Variants in AKAP9 observed in about 807,000 individuals in gnomAD.
AKAP9 encodes A-kinase anchoring protein 9.
AKAP9 carries 311 observed loss-of-function variants against 488.5 expected under a neutral mutation model. That is an observed-to-expected ratio of 0.64 (90% CI 0.58 to 0.70). The LOEUF is 0.70. AKAP9 is among the 30% of genes least tolerant of loss of function. AKAP9 has a pLI of 0.00. For missense variants in AKAP9, 4,215 were observed against 4,374.5 expected (o/e 0.96, Z 1.03); for synonymous variants, 1,462 against 1,483.5 (o/e 0.99, Z 0.33).
Position 92,002,553 on chromosome 7 carries a change from A to G in AKAP9, c.2636A>G (p.Glu879Gly), listed in dbSNP as rs777030400. 14 of 1,609,778 alleles carry G rather than the reference A, an allele frequency of 8.7e-6. No individual in the cohort carries two copies. Among genetic ancestry groups the G allele is most frequent in the Non-Finnish European group, 1.2e-5 (14 of 1,178,360 alleles). Reference protein sequence around the residue: ...ACLLKVKDDLEDSKNKQELEY... With the variant: ...ACLLKVKDDLGDSKNKQELEY... ...CTTCTCAAAGTAAAAGATGATTTAG[A>G]AGACAGTAAAAATAAACAGGAATTA... The change falls in exon 8 of 50, where the codon GAA becomes GGA. Residue 879 changes from glutamate (E) to glycine (G), a missense_variant. Coordinates refer to ENST00000356239, the MANE Select transcript of AKAP9 (RefSeq NM_005751.5).
chr7:92,055,465 A>G (rs1044530129), intron 22 of AKAP9, among the ~76,000 whole-genome samples: 2 of 152,094 alleles, frequency 1.3e-5, no homozygotes, highest in African/African-American at 4.8e-5. Context: ...AGAGAGCAAC[A>G]AAAGTGTTTT....
intron 21 of AKAP9, among the ~76,000 whole-genome samples, chr7:92,050,330 C>T (rs888392621): frequency 2.6e-4 from 39 of 151,768 alleles, no homozygotes; most frequent in African/African-American, 8.7e-4. Context: ...CTCCTGACCT[C>T]GTGATCCACC....
chr7:92,105,745 G>A lies in AKAP9; in HGVS notation c.11398G>A (p.Gly3800Ser), dbSNP rs767337890. The A allele has an allele frequency of 1.2e-6, 2 of 1,614,038 alleles. No individual in the cohort carries two copies. Among genetic ancestry groups the A allele is most frequent in the Admixed American group, 1.7e-5 (1 of 60,016 alleles). Residue 3800 changes from glycine (G) to serine (S), a missense_variant, in exon 47 of 50, where the codon GGC becomes AGC. Coordinates refer to ENST00000356239, the MANE Select transcript of AKAP9 (RefSeq NM_005751.5). The part of the protein sequence containing the change: ...GSVSININRD[G>S]FGLNQGAEKT... ...TGTTTCCATCAATATTAACAGAGAT[G>A]GCTTTGGACTGAATCAAGGTGAAGT...
intron 8 of AKAP9, among the ~76,000 whole-genome samples, chr7:92,011,548 A>C (rs530935627): frequency 6.6e-6 from 1 of 152,290 alleles, no homozygotes; most frequent in East Asian, 1.9e-4. Context: ...ACAAGTAAAT[A>C]CTCAAGAATA....
intron 26 of AKAP9, among the ~76,000 whole-genome samples, chr7:92,069,098 G>A (rs1358035411): frequency 6.6e-6 from 1 of 152,110 alleles, no homozygotes; most frequent in Non-Finnish European, 1.5e-5. Flanking sequence ...AAACCTTCAA[G>A]GTGCACAGAT....
rs1798177111 is a variant in AKAP9 at position 91,994,734 on chromosome 7, G to A, written c.690G>A (p.Glu230=). The A allele has an allele frequency of 6.2e-7, 1 of 1,612,848 alleles. No homozygotes were observed. Among genetic ancestry groups the A allele is most frequent in the African/African-American group, 1.3e-5 (1 of 74,882 alleles). The change falls in exon 6 of 50, where the codon GAG becomes GAA. Residue 230 remains glutamate (E), a synonymous_variant. Coordinates refer to ENST00000356239, the MANE Select transcript of AKAP9 (RefSeq NM_005751.5). ...EKDETMREFL[E]LTEQSQKLQI... ...ATGAGACAATGAGAGAATTTTTAGAGTTGACAGAACAGAGTCAAAAATTAC... is the reference window on the plus strand; with the variant it reads ...ATGAGACAATGAGAGAATTTTTAGAATTGACAGAACAGAGTCAAAAATTAC...
intron 24 of AKAP9, 120 bp downstream of exon 24, chr7:92,062,606 A>G: frequency 1.2e-6 from 1 of 804,314 alleles, no homozygotes; most frequent in Non-Finnish European, 2.0e-6. Context: ...AGAGAGATTT[A>G]AAAAATTATA....
chr7:92,038,173 T>A (rs1376305249), intron 16 of AKAP9, among the ~76,000 whole-genome samples: 1 of 152,226 alleles, frequency 6.6e-6, no homozygotes, highest in African/African-American at 2.4e-5. Context: ...CATTTATGTC[T>A]GTTATAATAA....
At position 91,940,968 on chromosome 7, in the gene AKAP9, G is replaced by C. The variant is rs563258073; in HGVS notation, c.-132G>C. 41 of 943,564 alleles carry C rather than the reference G, an allele frequency of 4.3e-5. No homozygotes were observed. The highest frequency in any genetic ancestry group is 2.4e-4 in the African/African-American group (15 of 61,804). The allele number at this position is 943,564 out of a possible 1,614,324, so 58.4% of individuals were successfully genotyped here. On this transcript the variant is annotated 5_prime_UTR_variant, in exon 1 of 50. Transcript: ENST00000356239. ...CGCGGAGACTGCTTCCACTTCGGGC[G>C]GGGGAGCGCCGGACCGAATCGGCTC...
chr7:91,985,873 T>A (rs1231667410), intron 3 of AKAP9, among the ~76,000 whole-genome samples: 1 of 152,218 alleles, frequency 6.6e-6, no homozygotes, highest in Non-Finnish European at 1.5e-5. Flanking sequence ...GGTCTCGAAC[T>A]CCTGACCTCT....
chr7:92,057,350 A>G lies in AKAP9; in HGVS notation c.5602-3910A>G, dbSNP rs535235489. ...ATAATTAATTTCACATTTTTAAATT[A>G]AAGCAATTTTTTAATGGAACGGAAA... On this transcript the variant is annotated intron_variant, in intron 22 of 49. Coordinates refer to ENST00000356239, the MANE Select transcript of AKAP9 (RefSeq NM_005751.5). Among the ~76,000 whole-genome samples, 38 of 152,238 alleles carry G rather than the reference A, an allele frequency of 2.5e-4. No homozygotes were observed. In the South Asian group the frequency reaches 7.9e-3, roughly 32 times the overall value.
chr7:92,100,699 G>A (rs866060571), intron 44 of AKAP9, among the ~76,000 whole-genome samples, 157 bp from the exon 45 acceptor site: 2 of 152,196 alleles, frequency 1.3e-5, no homozygotes, highest in South Asian at 4.1e-4. Context: ...GTACTTAAGA[G>A]TTAGTGTATA....
At chr7:92,005,098 C>T (rs1205586804) in intron 8 of AKAP9, among the ~76,000 whole-genome samples, 1 of 152,114 alleles carries the variant, frequency 6.6e-6, no homozygotes, top group Non-Finnish European at 1.5e-5. Context: ...GTCTTTGGTT[C>T]TGTTTATATG....
chr7:91,972,029 T>A (rs1156663689), intron 1 of AKAP9, among the ~76,000 whole-genome samples: 3 of 143,748 alleles, frequency 2.1e-5, no homozygotes, highest in Admixed American at 1.4e-4. Flanking sequence ...TCTGTTTCAG[T>A]ACTACATAAT....
intron 1 of AKAP9, among the ~76,000 whole-genome samples, chr7:91,962,363 G>A (rs1360445300): frequency 6.6e-6 from 1 of 152,070 alleles, no homozygotes; most frequent in Non-Finnish European, 1.5e-5. Context: ...GTGGAGGAGG[G>A]AGATTATAAT....
At chr7:92,091,738 T>C (rs920917066) in intron 38 of AKAP9, among the ~76,000 whole-genome samples, 3 of 152,168 alleles carry the variant, frequency 2.0e-5, no homozygotes, top group Non-Finnish European at 4.4e-5. Flanking sequence ...TGAAGATGTC[T>C]TTTAGAGATA....
At chr7:92,022,737 C>T (rs933107436) in intron 13 of AKAP9, 77 bp from the exon 14 acceptor site, 3 of 951,454 alleles carry the variant, frequency 3.2e-6, no homozygotes, top group Non-Finnish European at 3.2e-6. Context: ...TTAATATTTT[C>T]TGTACACAGT....
At chr7:92,093,028 C>A in intron 38 of AKAP9, 69 bp from the exon 39 acceptor site, 2 of 1,355,380 alleles carry the variant, frequency 1.5e-6, no homozygotes, top group Non-Finnish European at 2.1e-6. Context: ...CAGTTCTTAT[C>A]AACAAATATT....
intron 14 of AKAP9, among the ~76,000 whole-genome samples, chr7:92,026,744 C>T (rs573003059): frequency 4.3e-4 from 65 of 152,304 alleles, no homozygotes; most frequent in Admixed American, 1.5e-3. Context: ...AGCCTCTGCC[C>T]GGCCACCACC....
Sources: gnomAD v4.1 joint callset for allele counts (sites outside exome capture counted in the v4.1 genomes callset) on GRCh38, gnomAD v4.1.1 for gene constraint, MANE v1.5 for transcripts, NCBI Gene and HGNC (gene_info 2026-07-23, HGNC 2026-07-21) for gene names.